NALF1: variants seen among roughly 807,000 people sequenced by gnomAD.
The protein encoded by NALF1 is family with sequence similarity 155 member A.
NALF1 carries 3 observed loss-of-function variants against 48.4 expected under a neutral mutation model. The ratio of observed to expected loss-of-function variants is 0.06; its 90% CI spans 0.03 to 0.16. NALF1 has a LOEUF of 0.16. NALF1 is among the 10% of genes least tolerant of loss of function. NALF1 has a pLI of 1.00. For synonymous variants in NALF1, 262 were observed against 245.7 expected, an observed-to-expected ratio of 1.07 and a Z score of -0.62; for missense variants, 526 against 571.5, an observed-to-expected ratio of 0.92 and a Z score of 0.81.
At chr13:107,524,971 C>T (rs1876382497) in intron 1 of NALF1, among the ~76,000 whole-genome samples, 1 of 151,996 alleles carries the variant, frequency 6.6e-6, no homozygotes, top group Non-Finnish European at 1.5e-5. Flanking sequence ...AAAAATATCC[C>T]AGGAGACATA....
At chr13:107,767,999 C>T (rs1012613339) in intron 1 of NALF1, among the ~76,000 whole-genome samples, 1 of 152,104 alleles carries the variant, frequency 6.6e-6, no homozygotes, top group African/African-American at 2.4e-5. Context: ...TCCTCAGAAC[C>T]CGTCTATGAT....
intron 1 of NALF1, among the ~76,000 whole-genome samples, chr13:107,744,417 A>G (rs906273972): frequency 6.6e-6 from 1 of 152,234 alleles, no homozygotes; most frequent in Non-Finnish European, 1.5e-5. Context: ...AAAAAATGAT[A>G]TCCCCAAGCC....
At chr13:107,250,100 T>C (rs1431566334) in intron 1 of NALF1, among the ~76,000 whole-genome samples, 1 of 151,704 alleles carries the variant, frequency 6.6e-6, no homozygotes, top group Non-Finnish European at 1.5e-5. Context: ...TGTTTTTTTT[T>C]TTCCCAAGTT....
At chr13:107,424,299 G>C (rs1439839396) in intron 1 of NALF1, among the ~76,000 whole-genome samples, 1 of 152,044 alleles carries the variant, frequency 6.6e-6, no homozygotes, top group East Asian at 1.9e-4. Context: ...CACCATGCCT[G>C]GCTAATCTGT....
chr13:107,630,657 A>G (rs1027436484), intron 1 of NALF1, among the ~76,000 whole-genome samples: 3 of 152,142 alleles, frequency 2.0e-5, no homozygotes, highest in Admixed American at 2.0e-4. Context: ...GGAGGTTTAG[A>G]TATTTTGCAT....
intron 1 of NALF1, among the ~76,000 whole-genome samples, chr13:107,707,963 T>C (rs773374966): frequency 6.6e-6 from 1 of 152,172 alleles, no homozygotes; most frequent in Non-Finnish European, 1.5e-5. Flanking sequence ...GCTGTTCTCA[T>C]ATAAATAATT....
chr13:107,325,885 T>TATAC (rs1351935486), intron 1 of NALF1, among the ~76,000 whole-genome samples: 1 of 69,748 alleles, frequency 1.4e-5, no homozygotes, highest in Non-Finnish European at 3.6e-5. Flanking sequence ...TATATATATA[T>TATAC]ATACACACAC....
intron 1 of NALF1, among the ~76,000 whole-genome samples, chr13:107,367,860 C>T (rs990032823): frequency 1.3e-5 from 2 of 152,088 alleles, no homozygotes; most frequent in African/African-American, 4.8e-5. Flanking sequence ...GTTTACTGTA[C>T]TAAAAAGAAA....
intron 1 of NALF1, among the ~76,000 whole-genome samples, chr13:107,603,334 T>C (rs1014660348): frequency 3.0e-4 from 46 of 152,214 alleles, no homozygotes; most frequent in African/African-American, 1.0e-3. Flanking sequence ...AGAAGAAAGA[T>C]TGCCATGTGC....
rs146385573 is a variant in NALF1, at chr13:107,369,659, A to G, written c.916-158904T>C. On this transcript the variant is annotated intron_variant, in intron 1 of 2. Transcript: ENST00000375915. ...ATATGGGTCTCTGCTTGGATTTCTA[A>G]GCAATTATTCCTAAGATTCTATCAA... Among the ~76,000 whole-genome samples the G allele has an allele frequency of 9.5e-3, 1,443 of 152,234 alleles. 9 individuals carry two copies. The highest frequency in any genetic ancestry group is 0.02 in the African/African-American group (817 of 41,556).
intron 1 of NALF1, among the ~76,000 whole-genome samples, chr13:107,306,538 G>C (rs1440726844): frequency 6.6e-6 from 1 of 152,080 alleles, no homozygotes; most frequent in Non-Finnish European, 1.5e-5. Flanking sequence ...AAGTGGCTCC[G>C]ATCATGTTCT....
At chr13:107,335,432 G>A (rs1351330299) in intron 1 of NALF1, among the ~76,000 whole-genome samples, 1 of 152,136 alleles carries the variant, frequency 6.6e-6, no homozygotes, top group Non-Finnish European at 1.5e-5. Flanking sequence ...AGTCTTCACA[G>A]GTGCCAGAGA....
chr13:107,562,692 A>G (rs911117936), intron 1 of NALF1, among the ~76,000 whole-genome samples: 1 of 152,204 alleles, frequency 6.6e-6, no homozygotes, highest in African/African-American at 2.4e-5. Context: ...TTCCAAGACC[A>G]TACGAACTCA....
intron 1 of NALF1, among the ~76,000 whole-genome samples, chr13:107,669,691 T>TAGGAACA (rs1880946886): frequency 6.6e-6 from 1 of 152,116 alleles, no homozygotes; most frequent in African/African-American, 2.4e-5. Context: ...CAATAGTGTT[T>TAGGAACA]TCTGTTGATG....
At chr13:107,281,008 A>C (rs140819486) in intron 1 of NALF1, among the ~76,000 whole-genome samples, 1 of 152,230 alleles carries the variant, frequency 6.6e-6, no homozygotes, top group Non-Finnish European at 1.5e-5. Context: ...ATGCATGTCT[A>C]TCTTTTTATA....
At chr13:107,599,273 T>A (rs550081762) in intron 1 of NALF1, among the ~76,000 whole-genome samples, 1 of 152,120 alleles carries the variant, frequency 6.6e-6, no homozygotes, top group African/African-American at 2.4e-5. Context: ...ATACAAAAAA[T>A]TAGCCAGGCG....
At chr13:107,837,908 C>T (rs1879943395) in intron 1 of NALF1, among the ~76,000 whole-genome samples, 1 of 148,980 alleles carries the variant, frequency 6.7e-6, no homozygotes, top group Non-Finnish European at 1.5e-5. Flanking sequence ...TCCATCAATA[C>T]AGTATACAGA....
At chr13:107,263,648 G>A (rs974413819) in intron 1 of NALF1, among the ~76,000 whole-genome samples, 18 of 152,146 alleles carry the variant, frequency 1.2e-4, no homozygotes, top group Non-Finnish European at 2.1e-4. Context: ...CTCTTTGCCC[G>A]CCACCGTGTA....
rs916633392 is a variant in NALF1, at chr13:107,441,363, T to C, written c.916-230608A>G. On this transcript the variant is annotated intron_variant, in intron 1 of 2. Coordinates refer to ENST00000375915, the MANE Select transcript of NALF1 (RefSeq NM_001080396.3). Reference sequence around the variant, plus strand: ...TTGAGGAATTTAACCTGAGGTAAATTAAGGCAACGTGAGGATCATTACAGT... The same window carrying C: ...TTGAGGAATTTAACCTGAGGTAAATCAAGGCAACGTGAGGATCATTACAGT... Among the ~76,000 whole-genome samples, 4 of 152,128 alleles carry C rather than the reference T, an allele frequency of 2.6e-5. No homozygotes were observed. The East Asian group carries it at 5.8e-4, about 22-fold the overall frequency.
Sources: gnomAD v4.1 joint callset for allele counts (sites outside exome capture counted in the v4.1 genomes callset) on GRCh38, gnomAD v4.1.1 for gene constraint, MANE v1.5 for transcripts, NCBI Gene and HGNC (gene_info 2026-07-23, HGNC 2026-07-21) for gene names.